Variants in DELE1 observed in about 807,000 individuals in gnomAD.
DELE1 encodes death ligand signal enhancer.
A neutral mutation model predicts 59.3 loss-of-function variants in DELE1; 54 were observed. The ratio of observed to expected loss-of-function variants is 0.91; its 90% CI spans 0.73 to 1.14. The LOEUF (loss-of-function observed/expected upper bound fraction) is 1.14, where lower values mean the gene tolerates loss of function less well. DELE1 is among the 50% of genes most tolerant of loss of function. The pLI is 0.00. For synonymous variants in DELE1, 264 were observed against 259.1 expected (o/e 1.02, Z -0.18); for missense variants, 636 against 643.9 (o/e 0.99, Z 0.13).
intron 8 of DELE1, chr5:141,933,915 G>GCCC (rs141299436): frequency 6.6e-5 from 12 of 182,510 alleles, no homozygotes; most frequent in African/African-American, 2.9e-4. Flanking sequence ...CTCTCTCTCT[G>GCCC]CCCCCCCCCA....
intron 3 of DELE1, among the ~76,000 whole-genome samples, chr5:141,926,839 G>C (rs1751463231): frequency 6.6e-6 from 1 of 152,232 alleles, no homozygotes; most frequent in African/African-American, 2.4e-5. Context: ...AGTGGGCCTG[G>C]ATTCCAGAAG....
At chr5:141,933,435 T>G (rs769395330) in intron 8 of DELE1, 34 bp downstream of exon 8, 9 of 1,393,492 alleles carry the variant, frequency 6.5e-6, no homozygotes. Context: ...CCTTCTGTGC[T>G]GGGCTGCTGA....
intron 10 of DELE1, 175 bp from the exon 11 acceptor site, chr5:141,937,022 CT>C (rs1752414718): frequency 5.0e-5 from 74 of 1,485,496 alleles, no homozygotes; most frequent in Non-Finnish European, 6.5e-5. Context: ...TGGGTGAGCT[CT>C]GAGCCTCTGG....
chr5:141,932,053 G>C (rs543541054), intron 7 of DELE1, among the ~76,000 whole-genome samples: 1 of 152,184 alleles, frequency 6.6e-6, no homozygotes, highest in Non-Finnish European at 1.5e-5. Context: ...GACAGGACTT[G>C]TACTTTTGAA....
intron 1 of DELE1, 80 bp downstream of exon 1, chr5:141,924,052 C>T: frequency 6.5e-7 from 1 of 1,542,146 alleles, no homozygotes. Context: ...AGGAAACAGC[C>T]GAAGCGATCG....
chr5:141,941,153 A>T lies in DELE1; in HGVS notation c.*2394A>T. Reference sequence around the variant, plus strand: ...CTCCTCCCCTCTGTGGTCATTTTGGATTTTCTGACTACTTCCTTCTAGCCA... The same window carrying T: ...CTCCTCCCCTCTGTGGTCATTTTGGTTTTTCTGACTACTTCCTTCTAGCCA... On this transcript the variant is annotated 3_prime_UTR_variant, in exon 12 of 12. Coordinates refer to ENST00000432126, the MANE Select transcript of DELE1 (RefSeq NM_014773.5). 1.0e-6 allele frequency: 1 copy of T among 985,044 alleles called. No individual in the cohort carries two copies. Among genetic ancestry groups the T allele is most frequent in the Non-Finnish European group, 1.2e-6 (1 of 829,888 alleles). 61.0% of individuals were successfully genotyped at this position (985,044 alleles called of 1,614,324 possible).
chr5:141,928,352 A>C (rs529326182), intron 4 of DELE1, 54 bp downstream of exon 4: 60 of 1,578,234 alleles, frequency 3.8e-5, no homozygotes. Context: ...TCTCTGGGCC[A>C]GGAAGCGTCT....
In DELE1 at chr5:141,929,567, G is replaced by T. The variant is rs372423631; in HGVS notation, c.413-15G>T. On this transcript the variant is annotated splice_polypyrimidine_tract_variant and intron_variant, in intron 4 of 11. Transcript: ENST00000432126. Reference sequence around the variant, plus strand: ...GCCTGGCCCAGACCTGACTACTCTTGCTGGCTCTTTCCAGCACTGCGACAA... The same window carrying T: ...GCCTGGCCCAGACCTGACTACTCTTTCTGGCTCTTTCCAGCACTGCGACAA... 187 of 1,611,870 alleles carry T rather than the reference G, an allele frequency of 1.2e-4. 2 individuals carry two copies. Among genetic ancestry groups the T allele is most frequent in the Middle Eastern group, 9.3e-4 (5 of 5,372 alleles).
intron 7 of DELE1, among the ~76,000 whole-genome samples, 175 bp from the exon 8 acceptor site, chr5:141,933,084 G>A (rs1163829530): frequency 3.6e-5 from 4 of 112,312 alleles, no homozygotes; most frequent in African/African-American, 1.5e-4. Context: ...AACAGAGCAA[G>A]ACTCCATCTC....
In DELE1 at chr5:141,941,250, CCT is replaced by C; in HGVS notation, c.*2492_*2493del. ...GTGGTGAAGGCCAGATGCAGCCCTC[CCT>C]GAGTGGCTCTCCCTCCCACTCAGTC... On this transcript the variant is annotated 3_prime_UTR_variant, in exon 12 of 12. Transcript: ENST00000432126. 1 of 985,476 alleles carries C rather than the reference CCT, an allele frequency of 1.0e-6. No individual in the cohort carries two copies. Among genetic ancestry groups the C allele is most frequent in the South Asian group, 4.7e-5 (1 of 21,280 alleles). 61.0% of individuals were successfully genotyped at this position (985,476 alleles called of 1,614,324 possible).
rs72796019 is a variant in DELE1 at position 141,924,690 on chromosome 5, C to T, written c.141C>T (p.Leu47=). 5.6e-6 allele frequency: 9 copies of T among 1,599,866 alleles called. No individual in the cohort carries two copies. Among genetic ancestry groups the T allele is most frequent in the South Asian group, 3.3e-5 (3 of 90,768 alleles). The change falls in exon 2 of 12, where the codon CTC becomes CTT. Residue 47 remains leucine (L), a synonymous_variant. Transcript: ENST00000432126. ...CTTTGCTGGTTCCTGTGCCTAACCT[C>T]GACAGGTAAGATACTGCCATTTTAC... ...SSTLLVPVPN[L]DRSGPHGPGT...
Position 141,923,958 on chromosome 5 carries a change from G to T in DELE1, c.17G>T (p.Gly6Val), listed in dbSNP as rs1413831138. The T allele has an allele frequency of 5.6e-6, 9 of 1,609,640 alleles. No homozygotes were observed. The highest frequency in any genetic ancestry group is 1.7e-4 in the Middle Eastern group (1 of 6,054). The change falls in exon 1 of 12, where the codon GGA becomes GTA. Residue 6 changes from glycine to valine, a missense_variant. Physicochemically the swap from Gly to Val is moderately radical, Grantham distance 109. Coordinates refer to ENST00000432126, the MANE Select transcript of DELE1 (RefSeq NM_014773.5). MWRLP[G>V]LLGRALPRTL... is the part of the protein sequence containing the mutation. ...GGCAGCGACATGTGGCGCCTCCCGG[G>T]ACTCCTGGGCCGAGGTAAGGGACGT...
chr5:141,925,109 T>G, intron 2 of DELE1, among the ~76,000 whole-genome samples: 1 of 151,916 alleles, frequency 6.6e-6, no homozygotes, highest in South Asian at 2.1e-4. Flanking sequence ...TTTTGTATTT[T>G]TAGTAGAGAC....
At chr5:141,927,622 C>T (rs1001326536) in intron 3 of DELE1, among the ~76,000 whole-genome samples, 3 of 152,164 alleles carry the variant, frequency 2.0e-5, no homozygotes, top group African/African-American at 4.8e-5. Flanking sequence ...ACAAAGCTTA[C>T]ACCTGGAGAT....
chr5:141,934,108 C>T (rs1596612614), intron 8 of DELE1, 132 bp from the exon 9 acceptor site: 1 of 699,140 alleles, frequency 1.4e-6, no homozygotes, highest in East Asian at 3.2e-5. Context: ...TAAATTTTAG[C>T]TTATCTGAAT....
intron 3 of DELE1, among the ~76,000 whole-genome samples, chr5:141,926,371 A>G (rs1449312717): frequency 2.6e-5 from 4 of 152,096 alleles, no homozygotes; most frequent in Non-Finnish European, 4.4e-5. Context: ...TTCATGTTCT[A>G]CTGCTTGGTT....
Position 141,938,566 on chromosome 5 carries a change from C to G in DELE1, c.1355C>G (p.Ser452Cys). 6.2e-7 allele frequency: 1 copy of G among 1,614,108 alleles called. No individual in the cohort carries two copies. The highest frequency in any genetic ancestry group is 1.1e-5 in the South Asian group (1 of 91,088). ...ACAGTTACAGGACTGAAGTCTTTCT[C>G]CAGCCCCTCCCTCTGCAGCTTGAAC... The part of the protein sequence containing the change: ...DLTVTGLKSF[S>C]SPSLCSLNTL... Residue 452 changes from serine to cysteine, a missense_variant, in exon 12 of 12, where the codon TCC becomes TGC. Transcript: ENST00000432126.
chr5:141,936,999 C>T, intron 10 of DELE1, 199 bp from the exon 11 acceptor site: 1 of 1,438,130 alleles, frequency 7.0e-7, no homozygotes. Flanking sequence ...AGGGATCCCC[C>T]TCTCCTTTGT....
Position 141,925,469 on chromosome 5 carries a change from C to A in DELE1, c.206C>A (p.Ala69Asp), listed in dbSNP as rs1278630978. 1.9e-6 allele frequency: 3 copies of A among 1,605,150 alleles called. No homozygotes were observed. The highest frequency in any genetic ancestry group is 2.6e-6 in the Non-Finnish European group (3 of 1,176,022). ...CCAAGGTCCCATGGATGGAAGGATG[C>A]CTTCCAATGGATGTCTTCCCGTGTC... Reference protein sequence around the residue: ...GGPRSHGWKDAFQWMSSRVSP... With the variant: ...GGPRSHGWKDDFQWMSSRVSP... The change falls in exon 3 of 12, where the codon GCC becomes GAC. Residue 69 changes from alanine (A) to aspartate (D), a missense_variant. Coordinates refer to ENST00000432126, the MANE Select transcript of DELE1 (RefSeq NM_014773.5).
Sources: gnomAD v4.1 joint callset for allele counts (sites outside exome capture counted in the v4.1 genomes callset) on GRCh38, gnomAD v4.1.1 for gene constraint, MANE v1.5 for transcripts, NCBI Gene and HGNC (gene_info 2026-07-23, HGNC 2026-07-21) for gene names.